The following ARHGAP27 variants were observed in gnomAD, a reference collection of about 807,000 sequenced individuals.
ARHGAP27 encodes the protein Rho GTPase activating protein 27.
In ARHGAP27, 53 loss-of-function variants were observed where a neutral mutation model predicts 102.0. The observed-to-expected ratio is 0.52, with a 90% CI of 0.42 to 0.65. The LOEUF is 0.65. ARHGAP27 is among the 30% of genes least tolerant of loss of function. The pLI is 0.00. For synonymous variants in ARHGAP27, 525 were observed against 542.8 expected (o/e 0.97, Z 0.46); for missense variants, 1,117 against 1,256.2 (o/e 0.89, Z 1.68).
At chr17:45,420,577 T>C (rs767021382) in intron 4 of ARHGAP27, among the ~76,000 whole-genome samples, 47 of 152,074 alleles carry the variant, frequency 3.1e-4, no homozygotes, top group Non-Finnish European at 5.3e-4. Context: ...TCAAGGCTAT[T>C]GGCAAAATAG....
chr17:45,431,665 A>C lies in ARHGAP27; in HGVS notation c.-63T>G. On this transcript the variant is annotated 5_prime_UTR_variant, in exon 3 of 20. Coordinates refer to ENST00000685559, the MANE Select transcript of ARHGAP27 (RefSeq NM_001282290.2). ...GGGAGCCCATGGGCTGGGTGGGCGG[A>C]GCCGGCGGTGGCTGCAGGTTAGGCC... is the stretch of plus-strand genomic sequence containing the variant. 5.7e-6 allele frequency: 1 copy of C among 174,548 alleles called. No homozygotes were observed. The highest frequency in any genetic ancestry group is 1.2e-5 in the Non-Finnish European group (1 of 81,906). The allele number at this position is 174,548 out of a possible 1,614,324, so 10.8% of individuals were successfully genotyped here.
chr17:45,419,740 C>G (rs1488980135), intron 4 of ARHGAP27, among the ~76,000 whole-genome samples: 3 of 151,350 alleles, frequency 2.0e-5, no homozygotes, highest in Non-Finnish European at 2.9e-5. Context: ...ATTATTTTCC[C>G]TAGTATAGAA....
rs1229201138 is a variant in ARHGAP27 at position 45,393,985 on chromosome 17, G to C, written c.*1471C>G. 6.6e-6 allele frequency: 1 copy of C among 152,642 alleles called. No individual in the cohort carries two copies. The highest frequency in any genetic ancestry group is 2.1e-4 in the South Asian group (1 of 4,832). The allele number at this position is 152,642 out of a possible 1,614,324, so 9.5% of individuals were successfully genotyped here. A position where few individuals can be genotyped will look rare whatever the true frequency, so the allele number is the denominator to read the frequency against. ...TTAAATATTTAGACATATGGTATGA[G>C]GCCCCTGTGTGTACTCTTGCCCTGG... On this transcript the variant is annotated 3_prime_UTR_variant, in exon 20 of 20. Coordinates refer to ENST00000685559, the MANE Select transcript of ARHGAP27 (RefSeq NM_001282290.2).
chr17:45,405,102 G>A lies in ARHGAP27; in HGVS notation c.1070C>T (p.Pro357Leu). The change falls in exon 6 of 20, where the codon CCC becomes CTC. Residue 357 changes from proline (P) to leucine (L), a missense_variant. Physicochemically the swap from Pro to Leu is moderately conservative, Grantham distance 98. Transcript: ENST00000685559. ...CTCGGGGTAGTCCGTCTCGGGAGTG[G>A]GGGGCTGCGGGGAACAGAAGGTGGA... The part of the protein sequence containing the change: ...SPGSPGDPRP[P>L]TPETDYPESL... 6.4e-7 allele frequency: 1 copy of A among 1,572,660 alleles called. No individual in the cohort carries two copies. Among genetic ancestry groups the A allele is most frequent in the Non-Finnish European group, 8.6e-7 (1 of 1,157,610 alleles).
chr17:45,397,159 A>C, intron 13 of ARHGAP27, 135 bp from the exon 14 acceptor site: 1 of 1,458,170 alleles, frequency 6.9e-7, no homozygotes, highest in Non-Finnish European at 9.0e-7. Flanking sequence ...CTCTTCCCTT[A>C]ACCAGGTTAA....
intron 4 of ARHGAP27, among the ~76,000 whole-genome samples, chr17:45,412,939 G>GATT (rs2048071099): frequency 7.2e-6 from 1 of 138,576 alleles, no homozygotes; most frequent in Admixed American, 7.5e-5. Context: ...CCTCCCAGGT[G>GATT]TGGCACCACG....
At position 45,427,892 on chromosome 17, in the gene ARHGAP27, G is replaced by A. The variant is rs368459100; in HGVS notation, c.657+1731C>T. Among the ~76,000 whole-genome samples the A allele has an allele frequency of 6.6e-6, 1 of 152,222 alleles. No individual in the cohort carries two copies. The highest frequency in any genetic ancestry group is 2.1e-4 in the South Asian group (1 of 4,836). On this transcript the variant is annotated intron_variant, in intron 4 of 19. Transcript: ENST00000685559. The surrounding 1 kb of genome is among the most constrained non-coding windows in gnomAD (Gnocchi z 4.5). The stretch of plus-strand genomic sequence containing the variant: ...GAAGGATGGGCAGAGGGGCCACCTG[G>A]CAGGCGCCCTGGCAGCCGGGGTGAT...
rs144907448 is a variant in ARHGAP27, at chr17:45,427,461, G to A, written c.657+2162C>T. Among the ~76,000 whole-genome samples, 259 of 152,356 alleles carry A rather than the reference G, an allele frequency of 1.7e-3. No individual in the cohort carries two copies. Among genetic ancestry groups the A allele is most frequent in the Non-Finnish European group, 2.9e-3 (198 of 68,036 alleles). On this transcript the variant is annotated intron_variant, in intron 4 of 19. Transcript: ENST00000685559. This position sits in a 1 kb window ranked among gnomAD's most constrained non-coding sequence, Gnocchi z 4.5. ...AGATCCGAAGGCTCACCAGGGCTTGGCAGGTATTCAGCTAGTTGATGCCTA... is the reference window on the plus strand; with the variant it reads ...AGATCCGAAGGCTCACCAGGGCTTGACAGGTATTCAGCTAGTTGATGCCTA...
intron 4 of ARHGAP27, among the ~76,000 whole-genome samples, chr17:45,424,741 A>C (rs1450541555): frequency 6.6e-6 from 1 of 152,128 alleles, no homozygotes; most frequent in Non-Finnish European, 1.5e-5. Flanking sequence ...TGACGGGTGC[A>C]CCAAAATCTC....
chr17:45,400,728 A>G (rs1335705115), intron 12 of ARHGAP27, among the ~76,000 whole-genome samples: 4 of 152,046 alleles, frequency 2.6e-5, no homozygotes, highest in African/African-American at 9.7e-5. Flanking sequence ...CATCCTGGCC[A>G]ACATGGTAAA....
At position 45,396,715 on chromosome 17, in the gene ARHGAP27, T is replaced by C; in HGVS notation, c.2027A>G (p.Gln676Arg). Residue 676 changes from glutamine to arginine, a missense_variant, in exon 15 of 20, where the codon CAG (glutamine) becomes CGG (arginine). Gln to Arg is a conservative substitution (Grantham distance 43, BLOSUM62 1). Around this residue, in one of 3 missense-constraint regions of ARHGAP27, gnomAD observed 493 missense variants for 505.5 expected, o/e 0.98. Coordinates refer to ENST00000685559, the MANE Select transcript of ARHGAP27 (RefSeq NM_001282290.2). ...CAGCGACTGCAGTGTGGGCCGCCTC[T>C]GGAGGAACTTGCGGAGCTTGTGCCG... ...KVRHKLRKFL[Q>R]RRPTLQSLRE... 6.2e-7 allele frequency: 1 copy of C among 1,613,858 alleles called. No individual in the cohort carries two copies. Among genetic ancestry groups the C allele is most frequent in the East Asian group, 2.2e-5 (1 of 44,866 alleles).
chr17:45,426,215 C>T (rs1268848755), intron 4 of ARHGAP27, among the ~76,000 whole-genome samples: 5 of 152,098 alleles, frequency 3.3e-5, no homozygotes, highest in Admixed American at 1.3e-4. Context: ...TGAGCTTCGT[C>T]GTGTCACTAA....
Position 45,429,589 on chromosome 17 carries a change from A to T in ARHGAP27, c.657+34T>A, listed in dbSNP as rs780328768. On this transcript the variant is annotated intron_variant, in intron 4 of 19. Transcript: ENST00000685559. ...GTGCGGGCGCGGTCCCTAGCGCGCC[A>T]CCCGCCTCCGCGCCCCAGCGCCCGG... is the stretch of plus-strand genomic sequence containing the variant. 1.3e-6 allele frequency: 2 copies of T among 1,575,804 alleles called. No homozygotes were observed.
chr17:45,396,911 C>G lies in ARHGAP27; in HGVS notation c.1951+5G>C. 6.2e-7 allele frequency: 1 copy of G among 1,607,112 alleles called. No homozygotes were observed. Among genetic ancestry groups the G allele is most frequent in the African/African-American group, 1.3e-5 (1 of 75,054 alleles). ...AGCCCCCACCCCATCCTGCCTTGCG[C>G]ACACCTGCATTCGGTCGCGCGTCCT... On this transcript the variant is annotated splice_donor_5th_base_variant and intron_variant, in intron 14 of 19. Transcript: ENST00000685559.
intron 10 of ARHGAP27, 25 bp downstream of exon 10, chr17:45,404,004 G>A (rs779116210): frequency 1.9e-5 from 30 of 1,612,988 alleles, no homozygotes; most frequent in African/African-American, 2.7e-5. Context: ...ACCCTGCCCC[G>A]GCCTGAGTGT....
chr17:45,408,459 G>A (rs1351185994), intron 4 of ARHGAP27: 2 of 152,132 alleles, frequency 1.3e-5, no homozygotes, highest in Non-Finnish European at 2.9e-5. Flanking sequence ...GTCCCCAGGC[G>A]CCTGGGGGAC....
chr17:45,395,292 A>C lies in ARHGAP27; in HGVS notation c.*164T>G, dbSNP rs1187679489. ...AGGAATCACATTTTGCAAACTGCCC[A>C]CTAGGGGTCACCGTACCCTCAGAAC... is the stretch of plus-strand genomic sequence containing the variant. On this transcript the variant is annotated 3_prime_UTR_variant, in exon 20 of 20. Transcript: ENST00000685559. 4 of 862,318 alleles carry C rather than the reference A, an allele frequency of 4.6e-6. No individual in the cohort carries two copies. The East Asian group carries it at 1.1e-4, about 24-fold the overall frequency. 53.4% of individuals were successfully genotyped at this position (862,318 alleles called of 1,614,324 possible).
At chr17:45,428,808 T>C (rs2049833366) in intron 4 of ARHGAP27, among the ~76,000 whole-genome samples, 1 of 152,118 alleles carries the variant, frequency 6.6e-6, no homozygotes, top group African/African-American at 2.4e-5. Context: ...TGAGCATCTT[T>C]TTTTCCCCTC....
At position 45,396,073 on chromosome 17, in the gene ARHGAP27, C is replaced by T. The variant is rs749182718; in HGVS notation, c.2296G>A (p.Val766Ile). The change falls in exon 18 of 20, where the codon GTT (valine) becomes ATT (isoleucine). Residue 766 changes from valine (V) to isoleucine (I), a missense_variant. Around this residue, in one of 3 missense-constraint regions of ARHGAP27, gnomAD observed 493 missense variants for 505.5 expected, o/e 0.98. Coordinates refer to ENST00000685559, the MANE Select transcript of ARHGAP27 (RefSeq NM_001282290.2). ...LDDGRWEDVH[V>I]ITGALKLFFR... ...AAGAGCTTCAGGGCTCCGGTGATAA[C>T]GTGGACGTCCTCCCAGCGCCCGTCA... 30 of 1,613,810 alleles carry T rather than the reference C, an allele frequency of 1.9e-5. No individual in the cohort carries two copies. Among genetic ancestry groups the T allele is most frequent in the Non-Finnish European group, 2.5e-5 (29 of 1,179,902 alleles).
Sources: allele counts gnomAD v4.1 joint callset (sites outside exome capture counted in the v4.1 genomes callset), GRCh38; gene constraint gnomAD v4.1.1; regional missense constraint gnomAD v4.1.1; non-coding constraint Gnocchi (gnomAD v3.1); transcripts MANE v1.5; gene names NCBI Gene and HGNC (gene_info 2026-07-23, HGNC 2026-07-21).